Variants in GARRE1 observed in about 807,000 individuals in gnomAD.
GARRE1 encodes granule associated Rac and RHOG effector protein 1.
GARRE1 carries 49 observed loss-of-function variants against 103.2 expected under a neutral mutation model. The ratio of observed to expected loss-of-function variants is 0.47; its 90% CI spans 0.38 to 0.60. The LOEUF (loss-of-function observed/expected upper bound fraction) is 0.60, where lower values mean the gene tolerates loss of function less well. Ranked by LOEUF, GARRE1 falls within the 20% of genes least tolerant of loss-of-function variation. The pLI is 0.00. For synonymous variants in GARRE1, 505 were observed against 532.8 expected (o/e 0.95, Z 0.72); for missense variants, 1,199 against 1,370.5 (o/e 0.87, Z 1.98).
intron 1 of GARRE1, among the ~76,000 whole-genome samples, chr19:34,291,792 T>G (rs1480001310): frequency 6.6e-6 from 1 of 151,976 alleles, no homozygotes; most frequent in Non-Finnish European, 1.5e-5. Context: ...CTATTTAACT[T>G]CAGAACATTT....
chr19:34,322,558 G>A (rs993054565), intron 3 of GARRE1, among the ~76,000 whole-genome samples: 1 of 152,094 alleles, frequency 6.6e-6, no homozygotes, highest in Non-Finnish European at 1.5e-5. Flanking sequence ...TGAGACTTTA[G>A]GACTTACTGC....
rs542526641 is a variant in GARRE1 at position 34,257,144 on chromosome 19, C to T, written c.-796+2530C>T. ...AAATTATCTCCAGATGTTTGGAAGA[C>T]CATGTTTTAAGCATCCTTTTTTTTT... On this transcript the variant is annotated intron_variant, in intron 1 of 13. Transcript: ENST00000299505. Among the ~76,000 whole-genome samples the T allele has an allele frequency of 5.8e-5, 8 of 137,786 alleles. No individual in the cohort carries two copies. The South Asian group carries it at 1.7e-3, about 30-fold the overall frequency. 90.4% of individuals were successfully genotyped at this position (137,786 alleles called of 152,430 possible).
At chr19:34,286,407 G>A (rs2073886405) in intron 1 of GARRE1, among the ~76,000 whole-genome samples, 1 of 151,910 alleles carries the variant, frequency 6.6e-6, no homozygotes, top group Admixed American at 6.6e-5. Flanking sequence ...TTTTAGTAGA[G>A]ACAGGGTTTC....
At chr19:34,310,633 CAT>C (rs200460355) in intron 2 of GARRE1, among the ~76,000 whole-genome samples, 1,652 of 152,364 alleles carry the variant, frequency 0.011, 10 homozygotes, top group Non-Finnish European at 0.016. Context: ...GATAAATACA[CAT>C]GAGCTAGCTG....
In GARRE1 at chr19:34,342,453, C is replaced by G; in HGVS notation, c.2519C>G (p.Ala840Gly). 6.2e-7 allele frequency: 1 copy of G among 1,607,102 alleles called. No homozygotes were observed. The highest frequency in any genetic ancestry group is 8.5e-7 in the Non-Finnish European group (1 of 1,175,552). ...MLGEILPFDPAVGSDPEFARY... is the reference protein window; with the variant it reads ...MLGEILPFDPGVGSDPEFARY... The stretch of plus-strand genomic sequence containing the variant: ...GGAGAGATTCTGCCTTTTGATCCTG[C>G]AGGTATGTGAGGCCTCCCATCCCTC... The change falls in exon 10 of 14, where the codon GCA (alanine) becomes GGA (glycine). Residue 840 changes from alanine to glycine, a missense_variant and splice_region_variant. Coordinates refer to ENST00000299505, the MANE Select transcript of GARRE1 (RefSeq NM_014686.5).
chr19:34,319,806 A>T, intron 2 of GARRE1, 101 bp from the exon 3 acceptor site: 1 of 970,624 alleles, frequency 1.0e-6, no homozygotes, highest in Non-Finnish European at 1.6e-6. Flanking sequence ...TTGGATTTCC[A>T]GTTAACTATT....
rs71165648 is a variant in GARRE1 at position 34,321,223 on chromosome 19, ATTTTTTTTTTT to A, written c.705+1123_705+1133del. Among the ~76,000 whole-genome samples, 35 of 77,374 alleles carry A rather than the reference ATTTTTTTTTTT, an allele frequency of 4.5e-4. No individual in the cohort carries two copies. In the East Asian group the frequency reaches 5.6e-3, roughly 12 times the overall value. The allele number at this position is 77,374 out of a possible 152,430, so 50.8% of individuals were successfully genotyped here. On this transcript the variant is annotated intron_variant, in intron 3 of 13. Coordinates refer to ENST00000299505, the MANE Select transcript of GARRE1 (RefSeq NM_014686.5). ...AGGCGCCCGCCACCAAGCCCGGCTA[ATTTTTTTTTTT>A]TTTTTTTTTTTTTTTGTATTTTTAG...
intron 9 of GARRE1, among the ~76,000 whole-genome samples, chr19:34,340,286 T>A (rs1318944152): frequency 6.6e-6 from 1 of 152,176 alleles, no homozygotes; most frequent in Non-Finnish European, 1.5e-5. Context: ...ACTCATATTC[T>A]CCTTATGAAT....
chr19:34,308,459 C>T (rs1003976544), intron 2 of GARRE1, among the ~76,000 whole-genome samples: 4 of 152,124 alleles, frequency 2.6e-5, no homozygotes, highest in Non-Finnish European at 5.9e-5. Context: ...GTGTTTTTGG[C>T]TTACTTTTTT....
At chr19:34,263,043 C>T (rs1486081010) in intron 1 of GARRE1, among the ~76,000 whole-genome samples, 5 of 151,670 alleles carry the variant, frequency 3.3e-5, no homozygotes, top group Admixed American at 2.0e-4. Context: ...TGAAACCCCA[C>T]CTCTACTAAA....
At chr19:34,255,635 G>A (rs898216030) in intron 1 of GARRE1, among the ~76,000 whole-genome samples, 5 of 150,262 alleles carry the variant, frequency 3.3e-5, no homozygotes, top group Admixed American at 1.3e-4. Flanking sequence ...TTTGTCACAA[G>A]ATAAACAATT....
At chr19:34,298,419 A>G (rs1227508806) in intron 1 of GARRE1, among the ~76,000 whole-genome samples, 1 of 151,324 alleles carries the variant, frequency 6.6e-6, no homozygotes, top group African/African-American at 2.4e-5. Context: ...GTCTCAAAAA[A>G]AAAAAAAAGT....
chr19:34,296,487 G>T lies in GARRE1; in HGVS notation c.-795-3192G>T. 2.5e-6 allele frequency: 4 copies of T among 1,594,354 alleles called. No homozygotes were observed. The Admixed American group carries it at 5.0e-5, about 20-fold the overall frequency. On this transcript the variant is annotated intron_variant, in intron 1 of 13. Coordinates refer to ENST00000299505, the MANE Select transcript of GARRE1 (RefSeq NM_014686.5). ...ATCGAGCTTGTGGCTGACACCCTTT[G>T]GGATCTTGGGCTTAACCTCCTTGGG...
intron 2 of GARRE1, among the ~76,000 whole-genome samples, chr19:34,306,426 T>A (rs2074007711): frequency 6.6e-6 from 1 of 152,220 alleles, no homozygotes; most frequent in Non-Finnish European, 1.5e-5. Flanking sequence ...TGGGCTGTGG[T>A]TATTGATTGA....
chr19:34,342,514 T>A, intron 10 of GARRE1, 59 bp downstream of exon 10: 1 of 1,454,208 alleles, frequency 6.9e-7, no homozygotes, highest in Non-Finnish European at 9.4e-7. Context: ...TGCCGAGGTC[T>A]TCCCAGGGCC....
rs956384018 is a variant in GARRE1, at chr19:34,300,518, G to T, written c.45G>T (p.Arg15=). 4.3e-6 allele frequency: 7 copies of T among 1,612,570 alleles called. No homozygotes were observed. Among genetic ancestry groups the T allele is most frequent in the East Asian group, 2.2e-5 (1 of 44,856 alleles). Residue 15 remains arginine, a synonymous_variant, in exon 2 of 14, where the codon CGG becomes CGT. Coordinates refer to ENST00000299505, the MANE Select transcript of GARRE1 (RefSeq NM_014686.5). ...SAQDSKMDYK[R]RFLLGGSKQK... Reference sequence around the variant, plus strand: ...AGGACAGTAAAATGGACTACAAGCGGCGCTTCCTGCTTGGCGGGTCCAAGC... The same window carrying T: ...AGGACAGTAAAATGGACTACAAGCGTCGCTTCCTGCTTGGCGGGTCCAAGC...
chr19:34,278,518 G>A (rs757953001), intron 1 of GARRE1, among the ~76,000 whole-genome samples: 6 of 149,940 alleles, frequency 4.0e-5, no homozygotes, highest in Non-Finnish European at 8.9e-5. Flanking sequence ...CTCAGCTCCT[G>A]GGCACAACCT....
intron 10 of GARRE1, among the ~76,000 whole-genome samples, chr19:34,346,886 G>C (rs950102242): frequency 7.9e-5 from 12 of 152,034 alleles, no homozygotes; most frequent in African/African-American, 2.9e-4. Flanking sequence ...CCAAAGTGCT[G>C]GGATTACAGG....
At chr19:34,290,285 G>A (rs191397018) in intron 1 of GARRE1, among the ~76,000 whole-genome samples, 19 of 152,228 alleles carry the variant, frequency 1.2e-4, no homozygotes, top group Non-Finnish European at 2.4e-4. Flanking sequence ...GAGCCCAGGA[G>A]GCGGAGCTTG....
Sources: gnomAD v4.1 joint callset for allele counts (sites outside exome capture counted in the v4.1 genomes callset) on GRCh38, gnomAD v4.1.1 for gene constraint, MANE v1.5 for transcripts, NCBI Gene and HGNC (gene_info 2026-07-23, HGNC 2026-07-21) for gene names.